NRXN3: variants seen among roughly 807,000 people sequenced by gnomAD.
NRXN3 encodes neurexin 3.
Under a neutral mutation model 137.6 loss-of-function variants are expected in NRXN3, and 32 were observed. The ratio of observed to expected loss-of-function variants is 0.23; its 90% CI spans 0.18 to 0.31. NRXN3 has a LOEUF of 0.31. Among genes scored for constraint, NRXN3 ranks in the 10% least tolerant of loss-of-function variants. The probability of loss-of-function intolerance (pLI) is 1.00; values close to 1 mark genes in which losing one functional copy is unlikely to be tolerated. For synonymous variants in NRXN3, 798 were observed against 784.5 expected, an observed-to-expected ratio of 1.02 and a Z score of -0.29; for missense variants, 1,574 against 2,062.5, an observed-to-expected ratio of 0.76 and a Z score of 4.59.
At chr14:78,491,853 C>G (rs995116109) in intron 4 of NRXN3, among the ~76,000 whole-genome samples, 1 of 152,130 alleles carries the variant, frequency 6.6e-6, no homozygotes, top group African/African-American at 2.4e-5. Flanking sequence ...AAAATTTCCT[C>G]CTTTCTTACC....
chr14:79,711,843 TG>T (rs1214701164), intron 19 of NRXN3, among the ~76,000 whole-genome samples: 1 of 152,140 alleles, frequency 6.6e-6, no homozygotes, highest in Non-Finnish European at 1.5e-5. Context: ...ATCCAATTAA[TG>T]ATGGATGATG....
At chr14:78,811,030 T>C (rs1374650971) in intron 10 of NRXN3, among the ~76,000 whole-genome samples, 1 of 152,096 alleles carries the variant, frequency 6.6e-6, no homozygotes, top group East Asian at 1.9e-4. Flanking sequence ...AACATTAGCT[T>C]GAGTCAACAT....
chr14:79,295,281 C>A (rs2083875227), intron 15 of NRXN3, among the ~76,000 whole-genome samples: 1 of 152,036 alleles, frequency 6.6e-6, no homozygotes, highest in Non-Finnish European at 1.5e-5. Context: ...TATGGCCACT[C>A]CTTCTTCTTA....
At chr14:79,149,348 A>G (rs184731845) in intron 15 of NRXN3, among the ~76,000 whole-genome samples, 71 of 150,784 alleles carry the variant, frequency 4.7e-4, no homozygotes, top group Admixed American at 7.9e-4. Flanking sequence ...TTCAAATTGT[A>G]ATTCAAAGGC....
chr14:79,508,534 T>A (rs1481508890), intron 16 of NRXN3, among the ~76,000 whole-genome samples: 1 of 151,402 alleles, frequency 6.6e-6, no homozygotes, highest in Admixed American at 6.6e-5. Context: ...GGATTACAGG[T>A]GCCTGCTACC....
intron 15 of NRXN3, among the ~76,000 whole-genome samples, chr14:79,243,405 T>C (rs1196716572): frequency 6.6e-6 from 1 of 152,110 alleles, no homozygotes; most frequent in Non-Finnish European, 1.5e-5. Flanking sequence ...ACTAAGAGTG[T>C]AACCTATATA....
At chr14:78,532,500 C>T (rs1407099178) in intron 4 of NRXN3, among the ~76,000 whole-genome samples, 1 of 151,348 alleles carries the variant, frequency 6.6e-6, no homozygotes, top group Non-Finnish European at 1.5e-5. Flanking sequence ...GAGATGACTT[C>T]TCTCATTCAA....
intron 4 of NRXN3, among the ~76,000 whole-genome samples, chr14:78,390,121 AC>A (rs1307451987): frequency 1.3e-5 from 2 of 152,206 alleles, no homozygotes; most frequent in Admixed American, 6.5e-5. Flanking sequence ...AAAGATTAAC[AC>A]CGGGTACGGC....
intron 15 of NRXN3, among the ~76,000 whole-genome samples, chr14:79,224,205 G>A (rs1207473223): frequency 6.6e-6 from 1 of 152,004 alleles, no homozygotes; most frequent in African/African-American, 2.4e-5. Context: ...CCAGAGATTG[G>A]GACTAGAAGT....
intron 16 of NRXN3, among the ~76,000 whole-genome samples, chr14:79,657,552 T>A (rs916453122): frequency 2.0e-5 from 3 of 152,200 alleles, no homozygotes; most frequent in Non-Finnish European, 4.4e-5. Flanking sequence ...AAGTGCTTAC[T>A]CTGTGCTTAT....
At chr14:79,215,229 C>T (rs949245287) in intron 15 of NRXN3, among the ~76,000 whole-genome samples, 24 of 152,210 alleles carry the variant, frequency 1.6e-4, no homozygotes, top group African/African-American at 5.5e-4. Flanking sequence ...AGCTGTGGAT[C>T]GCCACAATAT....
chr14:79,323,058 G>T (rs543442324), intron 15 of NRXN3, among the ~76,000 whole-genome samples: 120 of 152,210 alleles, frequency 7.9e-4, no homozygotes, highest in African/African-American at 2.8e-3. Context: ...AAATTGACAC[G>T]GGGTCTAGCT....
rs946925961 is a variant in NRXN3, at chr14:78,451,939, A to C, written c.757+154079A>C. ...TGTCCTTTTCACATTTCCCCATGAA[A>C]TTTAGAAAATAATAGAATCTTATCA... On this transcript the variant is annotated intron_variant, in intron 4 of 20. Coordinates refer to ENST00000335750, the MANE Select transcript of NRXN3 (RefSeq NM_001330195.2). 3.9e-5 allele frequency among the ~76,000 whole-genome samples: 6 copies of C among 152,250 alleles called. No individual in the cohort carries two copies. The South Asian group carries it at 1.2e-3, about 32-fold the overall frequency.
intron 19 of NRXN3, among the ~76,000 whole-genome samples, chr14:79,741,106 A>T (rs544248129): frequency 2.3e-3 from 351 of 152,186 alleles, no homozygotes; most frequent in African/African-American, 8.3e-3. Flanking sequence ...GATTTAATTG[A>T]CGTATCTTCT....
chr14:79,621,628 T>C (rs2098225670), intron 16 of NRXN3, among the ~76,000 whole-genome samples: 1 of 152,232 alleles, frequency 6.6e-6, no homozygotes. Context: ...TTTATCTTTC[T>C]TCTGTGCACA....
intron 15 of NRXN3, among the ~76,000 whole-genome samples, chr14:79,216,695 A>G (rs2068557033): frequency 6.6e-6 from 1 of 152,208 alleles, no homozygotes. Context: ...AGAACGCTCT[A>G]AGATGATATA....
At chr14:78,186,976 T>C (rs1308933940) in intron 1 of NRXN3, among the ~76,000 whole-genome samples, 1 of 152,252 alleles carries the variant, frequency 6.6e-6, no homozygotes, top group Non-Finnish European at 1.5e-5. Context: ...ATGGAATACC[T>C]GCATGCCAGG....
At chr14:79,026,920 A>G (rs2099598859) in intron 15 of NRXN3, among the ~76,000 whole-genome samples, 1 of 94,212 alleles carries the variant, frequency 1.1e-5, no homozygotes, top group Admixed American at 9.6e-5. Context: ...CCCAGAAAAA[A>G]AAGTATATAT....
At chr14:78,728,374 A>C (rs759844530) in intron 8 of NRXN3, among the ~76,000 whole-genome samples, 1 of 152,202 alleles carries the variant, frequency 6.6e-6, no homozygotes, top group Non-Finnish European at 1.5e-5. Flanking sequence ...GAGATGCTTA[A>C]AGAAGTGGTC....
Sources: allele counts gnomAD v4.1 joint callset (sites outside exome capture counted in the v4.1 genomes callset), GRCh38; gene constraint gnomAD v4.1.1; transcripts MANE v1.5; gene names NCBI Gene and HGNC (gene_info 2026-07-23, HGNC 2026-07-21).